The following PHACTR4 variants were observed in gnomAD, a reference collection of about 807,000 sequenced individuals.
PHACTR4 encodes phosphatase and actin regulator 4, also known as protein phosphatase 1, regulatory subunit 124.
A neutral mutation model predicts 72.7 loss-of-function variants in PHACTR4; 51 were observed. The ratio of observed to expected loss-of-function variants is 0.70; its 90% CI spans 0.56 to 0.89. The LOEUF is 0.89. PHACTR4 is among the 40% of genes least tolerant of loss of function. PHACTR4 has a pLI of 0.00. For missense variants in PHACTR4, 731 were observed against 861.8 expected (o/e 0.85, Z 1.90); for synonymous variants, 255 against 302.5 (o/e 0.84, Z 1.63).
chr1:28,369,771 A>G lies in PHACTR4; in HGVS notation c.-93A>G. On this transcript the variant is annotated 5_prime_UTR_variant, in exon 1 of 14. Coordinates refer to ENST00000373839, the MANE Select transcript of PHACTR4 (RefSeq NM_001048183.3). The stretch of plus-strand genomic sequence containing the variant: ...CTGCCTGGCGGCCAACGGGCCAGGT[A>G]GGATTTCCGGGAGAGGCTGCTGTGG... 2.2e-6 allele frequency: 1 copy of G among 451,698 alleles called. No homozygotes were observed. The highest frequency in any genetic ancestry group is 4.4e-6 in the Non-Finnish European group (1 of 226,572). 28.0% of individuals were successfully genotyped at this position (451,698 alleles called of 1,614,324 possible).
chr1:28,384,442 T>G (rs918077608), intron 1 of PHACTR4, among the ~76,000 whole-genome samples: 3 of 152,354 alleles, frequency 2.0e-5, no homozygotes, highest in African/African-American at 7.2e-5. Flanking sequence ...TTCTAGTTTA[T>G]GTACATAGAG....
chr1:28,474,446 C>T (rs1190646265), intron 7 of PHACTR4, among the ~76,000 whole-genome samples: 1 of 148,996 alleles, frequency 6.7e-6, no homozygotes, highest in South Asian at 2.2e-4. Flanking sequence ...ATCGCTTTAA[C>T]AGGGAGGTGG....
intron 2 of PHACTR4, among the ~76,000 whole-genome samples, chr1:28,453,321 C>T (rs959745772): frequency 1.3e-5 from 2 of 152,014 alleles, no homozygotes; most frequent in Non-Finnish European, 2.9e-5. Context: ...AATAACACCA[C>T]GGGACCTACA....
intron 2 of PHACTR4, among the ~76,000 whole-genome samples, chr1:28,456,053 G>C (rs1256178379): frequency 6.6e-6 from 1 of 151,846 alleles, no homozygotes; most frequent in Non-Finnish European, 1.5e-5. Context: ...TTGAGACAAG[G>C]TCCCTGTATT....
At chr1:28,437,123 A>G (rs1656686253) in intron 2 of PHACTR4, among the ~76,000 whole-genome samples, 1 of 152,230 alleles carries the variant, frequency 6.6e-6, no homozygotes, top group South Asian at 2.1e-4. Context: ...ACAGGTAGGA[A>G]ATAAAATTTT....
intron 2 of PHACTR4, among the ~76,000 whole-genome samples, chr1:28,430,425 G>T (rs1656179061): frequency 6.6e-6 from 1 of 151,968 alleles, no homozygotes; most frequent in East Asian, 1.9e-4. Flanking sequence ...GAGAAATGAA[G>T]AGTTTGCAGA....
intron 9 of PHACTR4, among the ~76,000 whole-genome samples, chr1:28,485,126 G>A (rs769764502): frequency 1.4e-4 from 22 of 152,154 alleles, no homozygotes; most frequent in African/African-American, 4.6e-4. Context: ...CCACTTCTGC[G>A]AGGTATCTGA....
rs1661448983 is a variant in PHACTR4 at position 28,497,831 on chromosome 1, A to G, written c.*1282A>G. On this transcript the variant is annotated 3_prime_UTR_variant, in exon 14 of 14. Transcript: ENST00000373839. ...AACATGGCAAAACCCTGTCTCTACT[A>G]AAAAGTAAAAAAAATTAGCCGGGCA... is the stretch of plus-strand genomic sequence containing the variant. The G allele has an allele frequency of 6.6e-6, 1 of 152,082 alleles. No individual in the cohort carries two copies. Among genetic ancestry groups the G allele is most frequent in the South Asian group, 2.1e-4 (1 of 4,834 alleles). The allele number at this position is 152,082 out of a possible 1,614,324, so 9.4% of individuals were successfully genotyped here.
intron 4 of PHACTR4, 95 bp from the exon 5 acceptor site, chr1:28,465,590 A>T (rs1659098751): frequency 3.1e-6 from 4 of 1,306,824 alleles, no homozygotes; most frequent in African/African-American, 1.5e-5. Flanking sequence ...GTCTCAATTT[A>T]AAAAAGAGAG....
chr1:28,408,699 A>G (rs975214261), intron 2 of PHACTR4, among the ~76,000 whole-genome samples: 29 of 151,368 alleles, frequency 1.9e-4, no homozygotes, highest in Admixed American at 1.8e-3. Context: ...TTTTTGAGAT[A>G]GTGTCTCACT....
chr1:28,392,399 C>G (rs1653125021), intron 1 of PHACTR4, among the ~76,000 whole-genome samples: 1 of 151,604 alleles, frequency 6.6e-6, no homozygotes, highest in Admixed American at 6.6e-5. Context: ...AGGATAAATT[C>G]CTTTTTCTTT....
chr1:28,467,377 ATT>A (rs3222228), intron 6 of PHACTR4: 2 of 126,760 alleles, frequency 1.6e-5, no homozygotes, highest in Non-Finnish European at 3.2e-5. Flanking sequence ...CACTATACAT[ATT>A]TGTGTGTGTG....
At chr1:28,373,582 G>A (rs996797137) in intron 1 of PHACTR4, among the ~76,000 whole-genome samples, 12 of 151,988 alleles carry the variant, frequency 7.9e-5, no homozygotes, top group Non-Finnish European at 1.8e-4. Flanking sequence ...CAGCCATCAC[G>A]CCTGGCCCAT....
intron 6 of PHACTR4, among the ~76,000 whole-genome samples, chr1:28,470,169 G>T (rs1166157408): frequency 6.6e-6 from 1 of 152,108 alleles, no homozygotes; most frequent in Non-Finnish European, 1.5e-5. Flanking sequence ...GAGGTGGGAA[G>T]ATCACTTGAG....
intron 2 of PHACTR4, among the ~76,000 whole-genome samples, chr1:28,442,073 C>G (rs1047531875): frequency 1.8e-4 from 28 of 152,184 alleles, no homozygotes; most frequent in African/African-American, 6.8e-4. Context: ...CACCAAAATT[C>G]TTTACTATGT....
chr1:28,484,767 A>ACCATCCTGGCTAACACGGTGAAAC (rs1660525982), intron 9 of PHACTR4, among the ~76,000 whole-genome samples: 1 of 151,826 alleles, frequency 6.6e-6, no homozygotes, highest in Non-Finnish European at 1.5e-5. Context: ...GGAGACAGAG[A>ACCATCCTGGCTAACACGGTGAAAC]CCATCCTGGC....
intron 5 of PHACTR4, 59 bp downstream of exon 5, chr1:28,465,908 AGGGGTTT>A: frequency 6.6e-7 from 1 of 1,507,770 alleles, no homozygotes; most frequent in Non-Finnish European, 9.0e-7. Context: ...TCCTTACATA[AGGGGTTT>A]GCAAGAGAAC....
At chr1:28,496,292 T>G (rs10915180) in intron 13 of PHACTR4, among the ~76,000 whole-genome samples, 58,389 of 151,264 alleles carry the variant, frequency 0.39, 12,932 homozygotes, top group African/African-American at 0.6. Flanking sequence ...TCCTGACCTC[T>G]TGATCCGCCC....
At chr1:28,417,565 C>T (rs1004271304) in intron 2 of PHACTR4, among the ~76,000 whole-genome samples, 3 of 152,084 alleles carry the variant, frequency 2.0e-5, no homozygotes, top group African/African-American at 4.8e-5. Context: ...TGATTCACCC[C>T]TGGGCAGGAC....
Sources: gnomAD v4.1 joint callset for allele counts (sites outside exome capture counted in the v4.1 genomes callset) on GRCh38, gnomAD v4.1.1 for gene constraint, MANE v1.5 for transcripts, NCBI Gene and HGNC (gene_info 2026-07-23, HGNC 2026-07-21) for gene names.